RTL4: variants seen among roughly 807,000 people sequenced by gnomAD.
RTL4 encodes the protein retrotransposon Gag like 4.
A neutral mutation model predicts 5.3 loss-of-function variants in RTL4; 4 were observed. The observed-to-expected ratio is 0.75, with a 90% CI of 0.37 to 1.72. RTL4 has a LOEUF of 1.72. RTL4 is among the 40% of genes most tolerant of loss of function. The pLI, the probability that RTL4 is intolerant of heterozygous loss-of-function variation, is 0.04. For synonymous variants in RTL4, 98 were observed against 87.3 expected (o/e 1.12, Z -0.68); for missense variants, 260 against 227.1 (o/e 1.14, Z -0.93).
At chrX:112,175,680 C>T in the RTL4 span, among the ~76,000 whole-genome samples, 29 of 111,372 alleles carry the variant, frequency 2.6e-4, no homozygotes, top group Middle Eastern at 4.6e-3. Flanking sequence ...AATTCAACAA[C>T]GCTTCATGCT....
chrX:112,163,786 G>A, the RTL4 span, among the ~76,000 whole-genome samples: 2 of 111,802 alleles, frequency 1.8e-5, no homozygotes, highest in African/African-American at 6.5e-5. Flanking sequence ...GATGAAGTAT[G>A]CAAAGTACCT....
chrX:112,286,372 A>G, the RTL4 span, among the ~76,000 whole-genome samples: 1 of 111,863 alleles, frequency 8.9e-6, no homozygotes, highest in African/African-American at 3.2e-5. Context: ...CCATAGGAGA[A>G]TTGGAATTTT....
chrX:112,104,218 A>G, the RTL4 span, among the ~76,000 whole-genome samples: 13 of 112,437 alleles, frequency 1.2e-4, no homozygotes, highest in African/African-American at 4.2e-4. Context: ...ATGTTATCAC[A>G]AATGACAGGA....
chrX:112,127,820 A>G, the RTL4 span, among the ~76,000 whole-genome samples: 1 of 112,117 alleles, frequency 8.9e-6, no homozygotes, highest in African/African-American at 3.2e-5. Flanking sequence ...TTCAATTTAT[A>G]ACATCATCAA....
chrX:112,426,236 C>T, the RTL4 span, among the ~76,000 whole-genome samples: 640 of 111,286 alleles, frequency 5.8e-3, 3 homozygotes, highest in African/African-American at 0.02. Context: ...GATCAGTAGG[C>T]TATATAGGTC....
At chrX:112,322,616 A>G in the RTL4 span, among the ~76,000 whole-genome samples, 5 of 110,268 alleles carry the variant, frequency 4.5e-5, no homozygotes, top group African/African-American at 1.6e-4. Flanking sequence ...CTGCAGGTTT[A>G]TTTTTTCCCT....
chrX:112,332,866 C>G, the RTL4 span, among the ~76,000 whole-genome samples: 2 of 111,089 alleles, frequency 1.8e-5, no homozygotes, highest in African/African-American at 6.6e-5. Context: ...AAATCTCCAA[C>G]TATTATTGTT....
chrX:112,324,939 T>G, the RTL4 span, among the ~76,000 whole-genome samples: 16 of 111,517 alleles, frequency 1.4e-4, no homozygotes, highest in Middle Eastern at 4.6e-3. Context: ...TATCCATGAT[T>G]GAAAATAGGG....
the RTL4 span, among the ~76,000 whole-genome samples, chrX:112,351,211 A>T: frequency 3.6e-5 from 4 of 110,159 alleles, no homozygotes; most frequent in East Asian, 1.1e-3. Flanking sequence ...TTCTAGTTTG[A>T]TTGCACTGTG....
the RTL4 span, among the ~76,000 whole-genome samples, chrX:112,417,109 C>G: frequency 2.1e-4 from 23 of 111,361 alleles, no homozygotes; most frequent in Non-Finnish European, 3.8e-5. Context: ...GATGGCACAT[C>G]TTGAGTCTAG....
At chrX:112,398,396 C>CTTTTTTTTTT in the RTL4 span, among the ~76,000 whole-genome samples, 9 of 72,166 alleles carry the variant, frequency 1.2e-4, 1 homozygote, top group Admixed American at 1.8e-4. Context: ...TTCTTTCTTT[C>CTTTTTTTTTT]TTTTTTTTTT....
At chrX:112,397,337 C>T in the RTL4 span, among the ~76,000 whole-genome samples, 155 of 111,439 alleles carry the variant, frequency 1.4e-3, 2 homozygotes, top group African/African-American at 4.7e-3. Context: ...TCTATTATAT[C>T]GTTTTTATTT....
At chrX:112,418,435 T>G in the RTL4 span, among the ~76,000 whole-genome samples, 1 of 111,480 alleles carries the variant, frequency 9.0e-6, no homozygotes, top group Non-Finnish European at 1.9e-5. Context: ...CTTGAAAAAT[T>G]AAGATTAAAA....
chrX:112,206,318 C>T, the RTL4 span, among the ~76,000 whole-genome samples: 1 of 111,661 alleles, frequency 9.0e-6, no homozygotes, highest in Admixed American at 9.5e-5. Flanking sequence ...AGGAGCCAGC[C>T]AGGTGACAGG....
the RTL4 span, among the ~76,000 whole-genome samples, chrX:112,169,084 T>TTC: frequency 9.4e-5 from 4 of 42,747 alleles, no homozygotes; most frequent in Admixed American, 3.7e-4. Flanking sequence ...TCTTTCTTTC[T>TTC]TTTCTTTCTT....
At chrX:112,396,171 C>T in the RTL4 span, among the ~76,000 whole-genome samples, 3 of 110,622 alleles carry the variant, frequency 2.7e-5, no homozygotes, top group African/African-American at 6.6e-5. Flanking sequence ...TTGAGAACTC[C>T]GTCCATGGGT....
chrX:112,295,933 A>T, the RTL4 span, among the ~76,000 whole-genome samples: 1 of 112,619 alleles, frequency 8.9e-6, no homozygotes. Flanking sequence ...GCTGTATTTT[A>T]TATTGTTGAA....
At chrX:112,138,457 A>G in the RTL4 span, among the ~76,000 whole-genome samples, 5 of 111,862 alleles carry the variant, frequency 4.5e-5, no homozygotes, top group South Asian at 1.9e-3. Context: ...TTTGGAGGTG[A>G]TAGATACGTT....
chrX:112,398,166 T>G, the RTL4 span, among the ~76,000 whole-genome samples: 1 of 110,961 alleles, frequency 9.0e-6, no homozygotes, highest in Non-Finnish European at 1.9e-5. Context: ...CTTCTATTAC[T>G]AGTTTGCATA....
Sources: allele counts gnomAD v4.1 joint callset (sites outside exome capture counted in the v4.1 genomes callset), GRCh38; gene constraint gnomAD v4.1.1; transcripts MANE v1.5; gene names NCBI Gene and HGNC (gene_info 2026-07-23, HGNC 2026-07-21).